RNF10: variants seen among roughly 807,000 people sequenced by gnomAD.
The protein encoded by RNF10 is E3 ubiquitin-protein ligase RNF10.
Under a neutral mutation model 91.4 loss-of-function variants are expected in RNF10, and 38 were observed. The ratio of observed to expected loss-of-function variants is 0.42; its 90% CI spans 0.32 to 0.54. RNF10 has a LOEUF of 0.54. RNF10 is among the 20% of genes least tolerant of loss of function. RNF10 has a pLI of 0.16. For missense variants in RNF10, 945 were observed against 1,012.0 expected, an observed-to-expected ratio of 0.93 and a Z score of 0.90; for synonymous variants, 364 against 366.3, an observed-to-expected ratio of 0.99 and a Z score of 0.07.
chr12:120,538,318 A>G (rs1471986209), intron 1 of RNF10, among the ~76,000 whole-genome samples: 1 of 152,068 alleles, frequency 6.6e-6, no homozygotes, highest in African/African-American at 2.4e-5. Flanking sequence ...ATTAATGGCC[A>G]TTTGCTTCCT....
chr12:120,553,852 T>C (rs1187965350), intron 3 of RNF10: 1 of 152,144 alleles, frequency 6.6e-6, no homozygotes, highest in African/African-American at 2.4e-5. Flanking sequence ...AGTAACCGTT[T>C]TGTACTTTAT....
chr12:120,557,144 A>T, intron 4 of RNF10, 138 bp from the exon 5 acceptor site: 1 of 731,048 alleles, frequency 1.4e-6, no homozygotes, highest in South Asian at 1.9e-5. Context: ...AAACAATTTT[A>T]GAAAGATATG....
chr12:120,545,364 T>C (rs1227248116), intron 1 of RNF10, among the ~76,000 whole-genome samples: 1 of 145,202 alleles, frequency 6.9e-6, no homozygotes, highest in East Asian at 2.1e-4. Flanking sequence ...TTTTTTTTTT[T>C]TGGATTTTTA....
chr12:120,540,287 T>C (rs1593047736), intron 1 of RNF10, among the ~76,000 whole-genome samples: 1 of 152,060 alleles, frequency 6.6e-6, no homozygotes, highest in African/African-American at 2.4e-5. Context: ...TAAGCCTAGA[T>C]TGAACCCGTG....
chr12:120,556,414 A>T (rs4347449), intron 4 of RNF10, among the ~76,000 whole-genome samples: 32 of 149,768 alleles, frequency 2.1e-4, no homozygotes, highest in Admixed American at 1.1e-3. Context: ...ACCTGTAGTC[A>T]CAGCTACTTG....
chr12:120,563,143 A>T, intron 8 of RNF10, 73 bp downstream of exon 8: 1 of 1,600,122 alleles, frequency 6.2e-7, no homozygotes, highest in Non-Finnish European at 8.6e-7. Flanking sequence ...CATTACTGTG[A>T]GATCTAAACC....
At chr12:120,543,343 A>G (rs1871840855) in intron 1 of RNF10, among the ~76,000 whole-genome samples, 1 of 152,154 alleles carries the variant, frequency 6.6e-6, no homozygotes, top group Non-Finnish European at 1.5e-5. Flanking sequence ...ATTGAGAATC[A>G]TTGTAATAAG....
intron 7 of RNF10, 129 bp from the exon 8 acceptor site, chr12:120,562,816 C>G (rs1356743335): frequency 9.3e-7 from 1 of 1,075,666 alleles, no homozygotes; most frequent in Admixed American, 1.9e-5. Context: ...GCACCTAATT[C>G]CTTCCCATTG....
chr12:120,565,292 T>C, intron 11 of RNF10, 103 bp downstream of exon 11: 1 of 1,132,200 alleles, frequency 8.8e-7, no homozygotes, highest in African/African-American at 1.5e-5. Context: ...ATCATGAGTC[T>C]TAGTACCTCC....
rs1272641533 is a variant in RNF10 at position 120,568,746 on chromosome 12, G to T, written c.2041+1766G>T. 2.0e-5 allele frequency among the ~76,000 whole-genome samples: 3 copies of T among 152,072 alleles called. No individual in the cohort carries two copies. The East Asian group carries it at 5.8e-4, about 29-fold the overall frequency. On this transcript the variant is annotated intron_variant, in intron 13 of 16. Coordinates refer to ENST00000325954, the MANE Select transcript of RNF10 (RefSeq NM_014868.5). The stretch of plus-strand genomic sequence containing the variant: ...CTGCCTCAACCTCCCAAAGTGCTGG[G>T]ATTGCAGGTGGGAGCTACTGTGCCC...
rs780462991 is a variant in RNF10, at chr12:120,546,477, T to G, written c.230T>G (p.Phe77Cys). 11 of 1,614,054 alleles carry G rather than the reference T, an allele frequency of 6.8e-6. No individual in the cohort carries two copies. The highest frequency in any genetic ancestry group is 9.3e-6 in the Non-Finnish European group (11 of 1,180,024). The change falls in exon 2 of 17, where the codon TTT becomes TGT. Residue 77 changes from phenylalanine (F) to cysteine (C), a missense_variant. By Grantham distance (205) the Phe-to-Cys change is radical (BLOSUM62 -2). Coordinates refer to ENST00000325954, the MANE Select transcript of RNF10 (RefSeq NM_014868.5). Reference protein sequence around the residue: ...RELSYPKNESFNNQSRRSSSQ... With the variant: ...RELSYPKNESCNNQSRRSSSQ... ...CTTTCCTACCCCAAAAATGAAAGTT[T>G]TAACAACCAGTCCCGTCGCTCCAGT...
intron 1 of RNF10, among the ~76,000 whole-genome samples, chr12:120,538,923 C>T (rs1175740388): frequency 6.6e-6 from 1 of 152,086 alleles, no homozygotes; most frequent in African/African-American, 2.4e-5. Context: ...ATTTTAATGG[C>T]TTTGAAAATT....
chr12:120,565,273 T>C lies in RNF10; in HGVS notation c.1783+84T>C, dbSNP rs536267454. 1.1e-4 allele frequency: 127 copies of C among 1,156,516 alleles called. 1 individual carries two copies. Among genetic ancestry groups the C allele is most frequent in the Middle Eastern group, 8.0e-4 (4 of 5,002 alleles). The allele number at this position is 1,156,516 out of a possible 1,614,324, so 71.6% of individuals were successfully genotyped here. A position where few individuals can be genotyped will look rare whatever the true frequency, so the allele number is the denominator to read the frequency against. ...GACACCCAGTGGGGGAGGAAACTTA[T>C]GGAACTGTATCATGAGTCTTAGTAC... On this transcript the variant is annotated intron_variant, in intron 11 of 16. Coordinates refer to ENST00000325954, the MANE Select transcript of RNF10 (RefSeq NM_014868.5).
intron 1 of RNF10, 30 bp from the exon 2 acceptor site, chr12:120,546,375 A>G: frequency 6.3e-7 from 1 of 1,593,878 alleles, no homozygotes. Context: ...TCAGCTTCTT[A>G]AGACGTTCTT....
At chr12:120,568,380 T>TA (rs1439515376) in intron 13 of RNF10, among the ~76,000 whole-genome samples, 1 of 152,234 alleles carries the variant, frequency 6.6e-6, no homozygotes, top group African/African-American at 2.4e-5. Context: ...AAAGAATGTT[T>TA]AAAGTGTTAT....
At chr12:120,574,520 G>C (rs1386221687) in intron 14 of RNF10, 2 of 456,108 alleles carry the variant, frequency 4.4e-6, no homozygotes, top group South Asian at 1.5e-5. Context: ...AGGAGCTATT[G>C]GAAAAGCAGA....
intron 1 of RNF10, chr12:120,535,413 A>G (rs959823161): frequency 4.6e-5 from 7 of 152,802 alleles, no homozygotes; most frequent in African/African-American, 1.7e-4. Flanking sequence ...CAGATCTCTT[A>G]TTTAATAACC....
intron 10 of RNF10, 72 bp from the exon 11 acceptor site, chr12:120,565,000 A>G (rs1875469480): frequency 1.1e-6 from 1 of 929,156 alleles, no homozygotes; most frequent in Non-Finnish European, 1.8e-6. Flanking sequence ...ATTGTTGGAT[A>G]TCGGGGTTAG....
Position 120,534,880 on chromosome 12 carries a change from C to T in RNF10, c.69C>T (p.Ser23=), listed in dbSNP as rs1260992561. Residue 23 remains serine (S), a synonymous_variant, in exon 1 of 17, where the codon AGC becomes AGT. Coordinates refer to ENST00000325954, the MANE Select transcript of RNF10 (RefSeq NM_014868.5). ...TGGACAAGAACAGCGGCTCCAACAGCTCCTCCGCCTCTTCGGGCAGCAGCA... is the reference window on the plus strand; with the variant it reads ...TGGACAAGAACAGCGGCTCCAACAGTTCCTCCGCCTCTTCGGGCAGCAGCA... ...SDMDKNSGSN[S]SSASSGSSKG... The T allele has an allele frequency of 1.2e-6, 2 of 1,608,384 alleles. No individual in the cohort carries two copies. Among genetic ancestry groups the T allele is most frequent in the African/African-American group, 2.7e-5 (2 of 74,886 alleles).
Sources: gnomAD v4.1 joint callset for allele counts (sites outside exome capture counted in the v4.1 genomes callset) on GRCh38, gnomAD v4.1.1 for gene constraint, MANE v1.5 for transcripts, NCBI Gene and HGNC (gene_info 2026-07-23, HGNC 2026-07-21) for gene names.